Variants in KLRG1 observed in about 807,000 individuals in gnomAD.
KLRG1 encodes killer cell lectin like receptor G1.
KLRG1 carries 16 observed loss-of-function variants against 21.8 expected under a neutral mutation model. That is an observed-to-expected ratio of 0.73 (90% CI 0.50 to 1.11). KLRG1 has a LOEUF of 1.11. Among genes scored for constraint, KLRG1 ranks in the 50% most tolerant of loss-of-function variants. KLRG1 has a pLI of 0.00. For synonymous variants in KLRG1, 69 were observed against 75.9 expected (o/e 0.91, Z 0.47); for missense variants, 173 against 218.3 (o/e 0.79, Z 1.31).
chr12:9,019,323 G>A, the KLRG1 span, among the ~76,000 whole-genome samples: 1 of 152,300 alleles, frequency 6.6e-6, no homozygotes, highest in Admixed American at 6.5e-5. Context: ...GTTGGTTGGA[G>A]TGTAAATTAA....
At chr12:9,070,453 T>TA in the KLRG1 span, 1 of 1,426,636 alleles carries the variant, frequency 7.0e-7, no homozygotes, top group Admixed American at 1.7e-5. Context: ...CATCATTAAA[T>TA]AAAATAGGGC....
At chr12:9,072,792 G>A in the KLRG1 span, 1 of 1,614,220 alleles carries the variant, frequency 6.2e-7, no homozygotes, top group Non-Finnish European at 8.5e-7. Flanking sequence ...AGACTGGATA[G>A]TCACCTGTGC....
At chr12:9,066,503 AC>A in the KLRG1 span, 1 of 151,982 alleles carries the variant, frequency 6.6e-6, no homozygotes, top group African/African-American at 2.4e-5. Flanking sequence ...TTGCTCACAC[AC>A]CCCTAGCACA....
chr12:9,089,157 G>A, the KLRG1 span: 3 of 1,410,078 alleles, frequency 2.1e-6, no homozygotes, highest in Non-Finnish European at 2.9e-6. Flanking sequence ...AACTTTAAAT[G>A]TTAGACTTTA....
chr12:9,061,743 C>T, the KLRG1 span, among the ~76,000 whole-genome samples: 19 of 152,252 alleles, frequency 1.2e-4, no homozygotes, highest in Admixed American at 1.2e-3. Flanking sequence ...CTAGTTAGAG[C>T]TTTTAACCCC....
the KLRG1 span, chr12:9,028,615 T>C: frequency 1.4e-5 from 5 of 364,336 alleles, no homozygotes; most frequent in Admixed American, 3.7e-5. Context: ...TGCTAATTTT[T>C]GTATTTTTAG....
chr12:9,169,683 C>G, the KLRG1 span: 2 of 1,250,690 alleles, frequency 1.6e-6, no homozygotes, highest in Non-Finnish European at 2.1e-6. Flanking sequence ...TATCACCAAT[C>G]TTTTCTTGAG....
chr12:9,091,240 G>A, the KLRG1 span: 2 of 1,614,214 alleles, frequency 1.2e-6, no homozygotes, highest in Non-Finnish European at 1.7e-6. Context: ...CCGTGGCCTT[G>A]AGTGTGAAGG....
At chr12:9,210,093 G>T in the KLRG1 span, among the ~76,000 whole-genome samples, 48 of 152,008 alleles carry the variant, frequency 3.2e-4, 1 homozygote, top group African/African-American at 1.1e-3. Flanking sequence ...TGGGTTATAG[G>T]CTATATATGT....
chr12:9,120,927 C>T, the KLRG1 span, among the ~76,000 whole-genome samples: 1 of 149,430 alleles, frequency 6.7e-6, no homozygotes, highest in Admixed American at 6.7e-5. Context: ...GTTGCCCAGG[C>T]TGGAGTACAG....
the KLRG1 span, chr12:9,110,379 T>G: frequency 8.1e-7 from 1 of 1,227,260 alleles, no homozygotes; most frequent in African/African-American, 1.6e-5. Context: ...TTTTCAAATA[T>G]TCTTAAATCT....
At chr12:9,116,268 G>T in the KLRG1 span, 1 of 261,834 alleles carries the variant, frequency 3.8e-6, no homozygotes, top group Non-Finnish European at 7.6e-6. Context: ...AAGCAACACT[G>T]GGCAGGCTCA....
At chr12:8,967,542 C>T (rs1242412415) in intron 1 of KLRG1, among the ~76,000 whole-genome samples, 5 of 151,376 alleles carry the variant, frequency 3.3e-5, no homozygotes, top group Admixed American at 6.6e-5. Flanking sequence ...GGCAACATAG[C>T]GAGACTCCGT....
chr12:9,200,386 C>T, the KLRG1 span: 1 of 1,610,212 alleles, frequency 6.2e-7, no homozygotes, highest in Middle Eastern at 1.7e-4. Flanking sequence ...GTTATGTTCA[C>T]TTTTTCATCC....
At chr12:9,028,870 GC>G in the KLRG1 span, 1 of 642,084 alleles carries the variant, frequency 1.6e-6, no homozygotes, top group Non-Finnish European at 2.9e-6. Context: ...GTGTGGCCTT[GC>G]ATTCGTGGCC....
the KLRG1 span, among the ~76,000 whole-genome samples, chr12:9,106,996 T>G: frequency 6.6e-6 from 1 of 152,220 alleles, no homozygotes; most frequent in Admixed American, 6.5e-5. Flanking sequence ...GTATGTATCA[T>G]TTCTATGTGT....
the KLRG1 span, among the ~76,000 whole-genome samples, chr12:9,132,704 G>A: frequency 2.6e-5 from 4 of 152,136 alleles, no homozygotes; most frequent in Non-Finnish European, 4.4e-5. Context: ...TCAAATGTAC[G>A]TGATGTGACC....
At chr12:9,162,710 T>C in the KLRG1 span, 1 of 1,290,722 alleles carries the variant, frequency 7.7e-7, no homozygotes, top group African/African-American at 1.5e-5. Context: ...GAGAACCACA[T>C]GGATTCCTTT....
chr12:9,164,494 G>T, the KLRG1 span, among the ~76,000 whole-genome samples: 5 of 152,216 alleles, frequency 3.3e-5, no homozygotes, highest in Admixed American at 6.5e-5. Context: ...GGACGTGCAG[G>T]CTTGGCAGTG....
Sources: allele counts gnomAD v4.1 joint callset (sites outside exome capture counted in the v4.1 genomes callset), GRCh38; gene constraint gnomAD v4.1.1; transcripts MANE v1.5; gene names NCBI Gene and HGNC (gene_info 2026-07-23, HGNC 2026-07-21).